Variants in CFDP1 observed in about 807,000 individuals in gnomAD.
CFDP1 encodes the protein chromatin remodeling protein CFDP1, also known as heterochromatin-stabilizing protein CFDP1.
CFDP1 carries 31 observed loss-of-function variants against 40.1 expected under a neutral mutation model. The observed-to-expected ratio is 0.77, with a 90% CI of 0.58 to 1.04. The LOEUF is 1.04. Ranked by LOEUF, CFDP1 falls within the 50% of genes least tolerant of loss-of-function variation. The pLI is 0.00. For missense variants in CFDP1, 423 were observed against 343.4 expected (o/e 1.23, Z -1.83); for synonymous variants, 167 against 120.0 (o/e 1.39, Z -2.56).
intron 6 of CFDP1, among the ~76,000 whole-genome samples, chr16:75,299,508 T>C (rs547532099): frequency 2.7e-5 from 4 of 150,294 alleles, no homozygotes; most frequent in South Asian, 4.2e-4. Context: ...GGCAGGAGAA[T>C]GGCGTGAACC....
intron 5 of CFDP1, among the ~76,000 whole-genome samples, chr16:75,378,176 A>G (rs2078818042): frequency 6.6e-6 from 1 of 152,156 alleles, no homozygotes; most frequent in African/African-American, 2.4e-5. Flanking sequence ...TGTAAGCTGC[A>G]TTGCTATGGA....
chr16:75,431,911 C>CTTTTT (rs71380741), intron 1 of CFDP1, among the ~76,000 whole-genome samples: 1 of 134,488 alleles, frequency 7.4e-6, no homozygotes, highest in Non-Finnish European at 1.6e-5. Context: ...GACTGGCTAA[C>CTTTTT]TTTTTTTTTT....
chr16:75,392,744 G>C (rs1328721011), intron 5 of CFDP1, among the ~76,000 whole-genome samples: 2 of 152,312 alleles, frequency 1.3e-5, no homozygotes, highest in Admixed American at 1.3e-4. Context: ...TACATGTGAT[G>C]TGCTCTGATA....
intron 5 of CFDP1, among the ~76,000 whole-genome samples, chr16:75,351,712 A>T (rs2078612456): frequency 6.6e-6 from 1 of 152,334 alleles, no homozygotes; most frequent in Admixed American, 6.5e-5. Flanking sequence ...ATAAAAGGAT[A>T]TGAAAAGGTA....
In CFDP1 at chr16:75,433,398, C is replaced by A; in HGVS notation, c.-46G>T. 6.5e-7 allele frequency: 1 copy of A among 1,544,542 alleles called. No homozygotes were observed. Among genetic ancestry groups the A allele is most frequent in the Non-Finnish European group, 8.8e-7 (1 of 1,140,558 alleles). ...GTCAAACTCACAAGACCGCAGCAGC[C>A]GCCTCCAACGGCAAAGCTCTAGGGA... is the stretch of plus-strand genomic sequence containing the variant. On this transcript the variant is annotated 5_prime_UTR_variant, in exon 1 of 7. Transcript: ENST00000283882.
intron 5 of CFDP1, among the ~76,000 whole-genome samples, chr16:75,385,652 A>C (rs1396971470): frequency 6.6e-6 from 1 of 152,224 alleles, no homozygotes; most frequent in African/African-American, 2.4e-5. Context: ...TCTTTTACCC[A>C]ATCTTAAGAA....
At chr16:75,334,242 C>A (rs1411709688) in intron 5 of CFDP1, among the ~76,000 whole-genome samples, 1 of 141,788 alleles carries the variant, frequency 7.1e-6, no homozygotes, top group East Asian at 1.9e-4. Flanking sequence ...CCTAACCCTG[C>A]AGCTAAGCAA....
At chr16:75,353,877 T>A (rs768488732) in intron 5 of CFDP1, among the ~76,000 whole-genome samples, 1 of 152,094 alleles carries the variant, frequency 6.6e-6, no homozygotes, top group Non-Finnish European at 1.5e-5. Flanking sequence ...AAACCATTTT[T>A]CCCTTCAGTT....
chr16:75,349,668 A>ATATATAT (rs1567653447), intron 5 of CFDP1, among the ~76,000 whole-genome samples: 1 of 9,166 alleles, frequency 1.1e-4, no homozygotes, highest in Non-Finnish European at 1.9e-4. Flanking sequence ...AAAAAAAAAA[A>ATATATAT]AAAAAAAAAA....
chr16:75,330,364 A>C (rs1273876723), intron 5 of CFDP1, among the ~76,000 whole-genome samples: 1 of 152,224 alleles, frequency 6.6e-6, no homozygotes, highest in African/African-American at 2.4e-5. Flanking sequence ...AGGCAGGTGG[A>C]TCACTTGAGG....
intron 1 of CFDP1, among the ~76,000 whole-genome samples, chr16:75,421,250 CT>C (rs1013946230): frequency 1.5e-4 from 23 of 152,016 alleles, no homozygotes; most frequent in African/African-American, 3.9e-4. Context: ...CCTGTTCCCC[CT>C]TTTTTCCCTT....
At chr16:75,398,962 CAGG>C (rs1041141212) in intron 4 of CFDP1, among the ~76,000 whole-genome samples, 5 of 148,842 alleles carry the variant, frequency 3.4e-5, no homozygotes, top group African/African-American at 1.2e-4. Context: ...GAGGCTGAGG[CAGG>C]AGAATAGTGG....
At chr16:75,406,094 G>A (rs981755505) in intron 4 of CFDP1, among the ~76,000 whole-genome samples, 1 of 152,026 alleles carries the variant, frequency 6.6e-6, no homozygotes, top group East Asian at 1.9e-4. Context: ...AATAAAATAG[G>A]CCAGGTGCAG....
chr16:75,314,205 C>G (rs1567642358), intron 5 of CFDP1, among the ~76,000 whole-genome samples: 1 of 152,046 alleles, frequency 6.6e-6, no homozygotes, highest in Non-Finnish European at 1.5e-5. Flanking sequence ...TTATATTTGT[C>G]TATTTGAACA....
chr16:75,407,586 C>G (rs886322634), intron 4 of CFDP1, among the ~76,000 whole-genome samples: 3 of 136,664 alleles, frequency 2.2e-5, no homozygotes, highest in African/African-American at 5.4e-5. Context: ...AGGCTGAGGT[C>G]GGGGGAAATC....
chr16:75,357,058 G>A (rs1247335348), intron 5 of CFDP1, among the ~76,000 whole-genome samples: 2 of 151,538 alleles, frequency 1.3e-5, no homozygotes, highest in African/African-American at 4.8e-5. Context: ...GACTACAGTC[G>A]TGTGCCACCA....
chr16:75,387,421 G>C (rs1274327752), intron 5 of CFDP1, among the ~76,000 whole-genome samples: 1 of 152,184 alleles, frequency 6.6e-6, no homozygotes, highest in Non-Finnish European at 1.5e-5. Context: ...GATTACAGGC[G>C]TGAGCCACTG....
chr16:75,314,404 A>C (rs747652229), intron 5 of CFDP1, among the ~76,000 whole-genome samples: 1 of 152,138 alleles, frequency 6.6e-6, no homozygotes, highest in Non-Finnish European at 1.5e-5. Flanking sequence ...ATTGATATGA[A>C]ATGTCCAGAA....
At chr16:75,374,565 C>T (rs2078777706) in intron 5 of CFDP1, among the ~76,000 whole-genome samples, 3 of 151,668 alleles carry the variant, frequency 2.0e-5, no homozygotes, top group Admixed American at 2.0e-4. Flanking sequence ...ACCTGTAGTC[C>T]CAGCACTTTG....
Sources: gnomAD v4.1 joint callset for allele counts (sites outside exome capture counted in the v4.1 genomes callset) on GRCh38, gnomAD v4.1.1 for gene constraint, MANE v1.5 for transcripts, NCBI Gene and HGNC (gene_info 2026-07-23, HGNC 2026-07-21) for gene names.